The following ARHGEF10L variants were observed in gnomAD, a reference collection of about 807,000 sequenced individuals.
ARHGEF10L encodes rho guanine nucleotide exchange factor 10-like protein.
In ARHGEF10L, 69 loss-of-function variants were observed where a neutral mutation model predicts 141.2. That is an observed-to-expected ratio of 0.49 (90% CI 0.40 to 0.60). The LOEUF (loss-of-function observed/expected upper bound fraction) is 0.60. ARHGEF10L is among the 20% of genes least tolerant of loss of function. The pLI is 0.00. For synonymous variants in ARHGEF10L, 711 were observed against 718.5 expected (o/e 0.99, Z 0.17); for missense variants, 1,482 against 1,734.3 (o/e 0.85, Z 2.58).
intron 1 of ARHGEF10L, among the ~76,000 whole-genome samples, chr1:17,568,398 C>T (rs897466116): frequency 6.6e-6 from 1 of 152,162 alleles, no homozygotes; most frequent in East Asian, 1.9e-4. Context: ...ATCTGTGTCA[C>T]AGCTGGCCTC....
chr1:17,695,192 C>G lies in ARHGEF10L; in HGVS notation c.3219C>G (p.Ile1073Met). ...ACTTGTGTGTCACCAGCCTCCTGAT[C>G]TGCCAGGGTCTGCTCTGGGTGGGCA... is the stretch of plus-strand genomic sequence containing the variant. ...QKHLCVTSLL[I>M]CQGLLWVGTD... The change falls in exon 28 of 29, where the codon ATC becomes ATG. Residue 1073 changes from isoleucine to methionine, a missense_variant. Ile to Met is a conservative substitution (Grantham distance 10). Around this residue, in one of 3 missense-constraint regions of ARHGEF10L, gnomAD observed 858 missense variants for 966.3 expected, o/e 0.89. Transcript: ENST00000361221. The G allele has an allele frequency of 6.2e-7, 1 of 1,613,024 alleles. No homozygotes were observed. The highest frequency in any genetic ancestry group is 8.5e-7 in the Non-Finnish European group (1 of 1,179,964).
rs1393745212 is a variant in ARHGEF10L, at chr1:17,644,660, G to C, written c.2273-3894G>C. ...GTATCTTGAAGGTGGCTTTAAGTTT[G>C]GGAAGTTCGGGAAGAGCAGTAAAGG... On this transcript the variant is annotated intron_variant, in intron 21 of 28. Transcript: ENST00000361221. The surrounding 1 kb of genome is among the most constrained non-coding windows in gnomAD (Gnocchi z 4.5). 6.6e-6 allele frequency among the ~76,000 whole-genome samples: 1 copy of C among 152,154 alleles called. No homozygotes were observed. Among genetic ancestry groups the C allele is most frequent in the Non-Finnish European group, 1.5e-5 (1 of 68,020 alleles).
chr1:17,697,021 G>A lies in ARHGEF10L; in HGVS notation c.3481G>A (p.Val1161Met), dbSNP rs765618969. The part of the protein sequence containing the change: ...QAHEPMPDSH[V>M]GRELTRKKGI... ...ACACGAGCCCATGCCCGATAGCCAC[G>A]TGGGCCGAGAGCTGACCCGCAAGAA... The change falls in exon 29 of 29, where the codon GTG (valine) becomes ATG (methionine). Residue 1161 changes from valine (V) to methionine (M), a missense_variant. Val to Met is a conservative substitution (Grantham distance 21). Coordinates refer to ENST00000361221, the MANE Select transcript of ARHGEF10L (RefSeq NM_018125.4). This position sits in a 1 kb window ranked among gnomAD's most constrained non-coding sequence, Gnocchi z 4.8. 9 of 1,607,718 alleles carry A rather than the reference G, an allele frequency of 5.6e-6. No individual in the cohort carries two copies. The East Asian group carries it at 6.7e-5, about 12-fold the overall frequency.
chr1:17,695,251 C>G lies in ARHGEF10L; in HGVS notation c.3278C>G (p.Pro1093Arg), dbSNP rs761564699. 6.3e-7 allele frequency: 1 copy of G among 1,598,720 alleles called. No individual in the cohort carries two copies. The highest frequency in any genetic ancestry group is 8.5e-7 in the Non-Finnish European group (1 of 1,173,106). The change falls in exon 28 of 29, where the codon CCT (proline) becomes CGT (arginine). Residue 1093 changes from proline to arginine, a missense_variant. By Grantham distance (103) the Pro-to-Arg change is moderately radical. Transcript: ENST00000361221. ...DQGVIVLLPVPRLEGIPKITG... is the reference protein window; with the variant it reads ...DQGVIVLLPVRRLEGIPKITG... ...GGTGTCATCGTCCTGCTGCCCGTGC[C>G]TCGGCTGGAAGGCATCCCCAAGATC...
intron 2 of ARHGEF10L, among the ~76,000 whole-genome samples, chr1:17,584,838 C>A (rs1293780081): frequency 6.6e-6 from 1 of 151,500 alleles, no homozygotes; most frequent in Admixed American, 6.6e-5. Flanking sequence ...AGATTCTACG[C>A]ACATGTGCAC....
chr1:17,666,211 C>T (rs1016563580), intron 26 of ARHGEF10L, among the ~76,000 whole-genome samples: 24 of 152,278 alleles, frequency 1.6e-4, no homozygotes, highest in South Asian at 6.2e-4. Context: ...CTGGGCTCCT[C>T]GTGGCTCAGT....
intron 12 of ARHGEF10L, 48 bp from the exon 13 acceptor site, chr1:17,624,339 C>A: frequency 6.7e-7 from 1 of 1,486,092 alleles, no homozygotes; most frequent in Non-Finnish European, 9.4e-7. Context: ...TTTCCTTCTG[C>A]TCCCTGCATT....
chr1:17,602,041 C>G (rs1167737777), intron 4 of ARHGEF10L, 86 bp from the exon 5 acceptor site: 13 of 1,278,850 alleles, frequency 1.0e-5, no homozygotes, highest in Non-Finnish European at 1.4e-5. Flanking sequence ...TTTTGCCCAT[C>G]ATGTCCCGCT....
At chr1:17,693,075 C>T (rs2065224811) in intron 27 of ARHGEF10L, among the ~76,000 whole-genome samples, 1 of 152,218 alleles carries the variant, frequency 6.6e-6, no homozygotes. Flanking sequence ...CTGGTGTTTA[C>T]ATCCCTTGTT....
chr1:17,552,450 G>A (rs2077149138), intron 1 of ARHGEF10L, among the ~76,000 whole-genome samples: 1 of 151,768 alleles, frequency 6.6e-6, no homozygotes, highest in African/African-American at 2.4e-5. Flanking sequence ...CCCGGCTGCA[G>A]TGCAGTGGCA....
chr1:17,517,005 C>G, the ARHGEF10L span, among the ~76,000 whole-genome samples: 1 of 152,190 alleles, frequency 6.6e-6, no homozygotes, highest in South Asian at 2.1e-4. Flanking sequence ...ATAATCAGAG[C>G]CAGGACTCAA....
At chr1:17,616,963 A>C (rs2059843215) in intron 9 of ARHGEF10L, among the ~76,000 whole-genome samples, 1 of 152,186 alleles carries the variant, frequency 6.6e-6, no homozygotes. Flanking sequence ...ACAGTTCCTC[A>C]CTTCATCCTT....
At chr1:17,572,612 C>T (rs2078049056) in intron 1 of ARHGEF10L, among the ~76,000 whole-genome samples, 1 of 152,184 alleles carries the variant, frequency 6.6e-6, no homozygotes. Flanking sequence ...TGGCTCTGAT[C>T]TGGAAGTGGG....
intron 1 of ARHGEF10L, among the ~76,000 whole-genome samples, chr1:17,567,445 T>C (rs1041049182): frequency 2.0e-5 from 3 of 152,178 alleles, no homozygotes; most frequent in Admixed American, 1.3e-4. Context: ...CGGCTCACTG[T>C]AATCTTCGCC....
chr1:17,515,647 CTTTTCTTTTTTTT>C, the ARHGEF10L span, among the ~76,000 whole-genome samples: 1 of 150,796 alleles, frequency 6.6e-6, no homozygotes, highest in Admixed American at 6.6e-5. Context: ...TTCTTTTTTT[CTTTTCTTTTTTTT>C]GAGACAGGGT....
intron 15 of ARHGEF10L, among the ~76,000 whole-genome samples, chr1:17,630,513 G>A (rs949915512): frequency 6.6e-6 from 1 of 152,230 alleles, no homozygotes; most frequent in Non-Finnish European, 1.5e-5. Context: ...CTTAGCAGCT[G>A]TGGGGGACCC....
intron 7 of ARHGEF10L, among the ~76,000 whole-genome samples, chr1:17,608,450 G>A (rs1164453849): frequency 6.6e-6 from 1 of 152,232 alleles, no homozygotes. Flanking sequence ...AGTGGAGAGT[G>A]GGGGCTGCTG....
chr1:17,653,030 G>A (rs991819207), intron 22 of ARHGEF10L, among the ~76,000 whole-genome samples: 5 of 152,220 alleles, frequency 3.3e-5, no homozygotes, highest in African/African-American at 7.2e-5. Context: ...GCTAAGGTGT[G>A]TGAAGTGCTA....
intron 1 of ARHGEF10L, among the ~76,000 whole-genome samples, chr1:17,547,229 G>A (rs1315310009): frequency 6.6e-6 from 1 of 152,202 alleles, no homozygotes; most frequent in Non-Finnish European, 1.5e-5. Flanking sequence ...CTTCCCACTG[G>A]CCTGTTGGTT....
Sources: gnomAD v4.1 joint callset for allele counts (sites outside exome capture counted in the v4.1 genomes callset) on GRCh38, gnomAD v4.1.1 for gene constraint, gnomAD v4.1.1 regional missense constraint, Gnocchi (gnomAD v3.1) non-coding constraint, MANE v1.5 for transcripts, NCBI Gene and HGNC (gene_info 2026-07-23, HGNC 2026-07-21) for gene names.